The following RAPGEF1 variants were observed in gnomAD, a reference collection of about 807,000 sequenced individuals.
RAPGEF1 encodes the protein Rap guanine nucleotide exchange factor 1.
In RAPGEF1, 33 loss-of-function variants were observed where a neutral mutation model predicts 143.3. That is an observed-to-expected ratio of 0.23 (90% CI 0.17 to 0.31). The LOEUF is 0.31. RAPGEF1 is among the 10% of genes least tolerant of loss of function. The probability of loss-of-function intolerance (pLI) is 1.00; values close to 1 mark genes in which losing one functional copy is unlikely to be tolerated. For missense variants in RAPGEF1, 1,199 were observed against 1,645.4 expected (o/e 0.73, Z 4.69); for synonymous variants, 629 against 676.5 (o/e 0.93, Z 1.09).
intron 5 of RAPGEF1, among the ~76,000 whole-genome samples, chr9:131,634,822 T>A (rs1965914629): frequency 6.7e-6 from 1 of 149,652 alleles, no homozygotes; most frequent in South Asian, 2.1e-4. Context: ...ACACAGTAAA[T>A]TACCTGGTGA....
intron 1 of RAPGEF1, among the ~76,000 whole-genome samples, chr9:131,674,704 G>A (rs1021016202): frequency 6.6e-6 from 1 of 152,170 alleles, no homozygotes; most frequent in Non-Finnish European, 1.5e-5. Flanking sequence ...CAGTTCAGAC[G>A]GCCTTCCCAC....
intron 16 of RAPGEF1, among the ~76,000 whole-genome samples, chr9:131,597,370 T>C (rs1165562670): frequency 6.6e-6 from 1 of 152,232 alleles, no homozygotes; most frequent in Non-Finnish European, 1.5e-5. Context: ...AGTACCCTCA[T>C]CAGCCCTGCC....
intron 12 of RAPGEF1, among the ~76,000 whole-genome samples, chr9:131,608,980 G>A (rs773980803): frequency 5.3e-5 from 8 of 152,186 alleles, no homozygotes; most frequent in Non-Finnish European, 8.8e-5. Flanking sequence ...TGCTTCTGAC[G>A]AGCTGCTGCT....
At chr9:131,726,486 C>T (rs191961840) in intron 1 of RAPGEF1, among the ~76,000 whole-genome samples, 10 of 152,088 alleles carry the variant, frequency 6.6e-5, no homozygotes, top group African/African-American at 9.6e-5. Context: ...ATTAGCCGGA[C>T]GCGGTGGTGG....
chr9:131,676,448 G>A (rs1832373668), intron 1 of RAPGEF1, among the ~76,000 whole-genome samples: 1 of 152,202 alleles, frequency 6.6e-6, no homozygotes, highest in Admixed American at 6.5e-5. Flanking sequence ...AGAAAATCTG[G>A]GGACACAACT....
rs755818692 is a variant in RAPGEF1, at chr9:131,628,660, T to C, written c.906A>G (p.Ala302=). The change falls in exon 8 of 27, where the codon GCA becomes GCG. Residue 302 remains alanine, a synonymous_variant. Coordinates refer to ENST00000683357, the MANE Select transcript of RAPGEF1 (RefSeq NM_001377935.1). The surrounding 1 kb of genome is among the most constrained non-coding windows in gnomAD (Gnocchi z 5.7). Reference sequence around the variant, plus strand: ...CCGACTGTCTTTTCTTGGGTGGCAATGCTGGTGGAGGACTGAAACAGACCG... The same window carrying C: ...CCGACTGTCTTTTCTTGGGTGGCAACGCTGGTGGAGGACTGAAACAGACCG... ...IRVVDNSPPP[A]LPPKKRQSAP... 35 of 1,605,762 alleles carry C rather than the reference T, an allele frequency of 2.2e-5. No homozygotes were observed. The highest frequency in any genetic ancestry group is 2.8e-5 in the Non-Finnish European group (33 of 1,173,504).
intron 1 of RAPGEF1, among the ~76,000 whole-genome samples, chr9:131,681,382 TC>T (rs1373885646): frequency 6.6e-6 from 1 of 152,182 alleles, no homozygotes; most frequent in African/African-American, 2.4e-5. Flanking sequence ...GCTTGGCAGT[TC>T]CCTGTTAGAA....
intron 1 of RAPGEF1, among the ~76,000 whole-genome samples, chr9:131,665,538 T>C (rs1015284261): frequency 6.6e-6 from 1 of 152,060 alleles, no homozygotes; most frequent in Non-Finnish European, 1.5e-5. Flanking sequence ...GTAGTCCTTA[T>C]AAGAGCTAAG....
At chr9:131,708,235 T>C (rs1230561603) in intron 1 of RAPGEF1, among the ~76,000 whole-genome samples, 1 of 152,204 alleles carries the variant, frequency 6.6e-6, no homozygotes, top group Non-Finnish European at 1.5e-5. Flanking sequence ...ATATATGCAG[T>C]TGTGAAAAAA....
chr9:131,601,945 T>A, intron 15 of RAPGEF1, 116 bp downstream of exon 15: 5 of 683,356 alleles, frequency 7.3e-6, no homozygotes, highest in Non-Finnish European at 9.5e-6. Flanking sequence ...GAAGGAAGAG[T>A]TTCAACTTGA....
At chr9:131,674,587 C>T (rs919110342) in intron 1 of RAPGEF1, among the ~76,000 whole-genome samples, 2 of 152,176 alleles carry the variant, frequency 1.3e-5, no homozygotes, top group Non-Finnish European at 2.9e-5. Context: ...TTGTTTTGGG[C>T]GGCTAGGGCT....
At chr9:131,739,566 C>A (rs1476281756) in intron 1 of RAPGEF1, among the ~76,000 whole-genome samples, 2 of 150,498 alleles carry the variant, frequency 1.3e-5, no homozygotes, top group Non-Finnish European at 3.0e-5. Context: ...CTGGCGCCCC[C>A]GCAGCGGCCG....
intron 1 of RAPGEF1, among the ~76,000 whole-genome samples, chr9:131,734,764 T>C (rs916965777): frequency 3.3e-5 from 5 of 152,144 alleles, no homozygotes; most frequent in Non-Finnish European, 5.9e-5. Flanking sequence ...TCTGAGAAAA[T>C]ATATCATGAC....
At chr9:131,736,221 G>A (rs1414823701) in intron 1 of RAPGEF1, among the ~76,000 whole-genome samples, 1 of 152,052 alleles carries the variant, frequency 6.6e-6, no homozygotes, top group African/African-American at 2.4e-5. Context: ...GCTCACCCTG[G>A]GAGCTCCCTA....
intron 16 of RAPGEF1, 123 bp downstream of exon 16, chr9:131,598,076 G>T: frequency 2.5e-6 from 2 of 809,502 alleles, no homozygotes; most frequent in Non-Finnish European, 2.0e-6. Flanking sequence ...CAGGGGCATT[G>T]AAAGACTTGG....
At chr9:131,701,679 C>T (rs1264564689) in intron 1 of RAPGEF1, among the ~76,000 whole-genome samples, 4 of 151,980 alleles carry the variant, frequency 2.6e-5, no homozygotes, top group East Asian at 1.9e-4. Context: ...ATAACATATA[C>T]AGTATGTTGT....
chr9:131,601,096 C>T (rs1158513506), intron 15 of RAPGEF1, among the ~76,000 whole-genome samples: 6 of 144,332 alleles, frequency 4.2e-5, no homozygotes, highest in East Asian at 2.1e-4. Context: ...CGCTTGAGCC[C>T]GGGAGGCGGA....
intron 10 of RAPGEF1, 143 bp from the exon 11 acceptor site, chr9:131,622,141 T>C: frequency 1.3e-6 from 1 of 771,198 alleles, no homozygotes; most frequent in Admixed American, 2.4e-5. Flanking sequence ...ACGGAGGACT[T>C]TTCGGGCAAT....
chr9:131,628,514 C>T lies in RAPGEF1; in HGVS notation c.1017+35G>A. 3 of 1,602,904 alleles carry T rather than the reference C, an allele frequency of 1.9e-6. No homozygotes were observed. The highest frequency in any genetic ancestry group is 1.7e-6 in the Non-Finnish European group (2 of 1,171,664). ...CATCCCTGAGCCCCCCACCCCCTCC[C>T]TGCCTTCCCATGCAGGGAACAGGGG... On this transcript the variant is annotated intron_variant, in intron 8 of 26. Transcript: ENST00000683357. This position sits in a 1 kb window ranked among gnomAD's most constrained non-coding sequence, Gnocchi z 5.7.
Sources: gnomAD v4.1 joint callset for allele counts (sites outside exome capture counted in the v4.1 genomes callset) on GRCh38, gnomAD v4.1.1 for gene constraint, Gnocchi (gnomAD v3.1) non-coding constraint, MANE v1.5 for transcripts, NCBI Gene and HGNC (gene_info 2026-07-23, HGNC 2026-07-21) for gene names.